NRXN3: variants seen among roughly 807,000 people sequenced by gnomAD.
NRXN3 encodes neurexin III.
Under a neutral mutation model 137.6 loss-of-function variants are expected in NRXN3, and 32 were observed. That is an observed-to-expected ratio of 0.23 (90% CI 0.18 to 0.31). The LOEUF (loss-of-function observed/expected upper bound fraction) is 0.31. NRXN3 is among the 10% of genes least tolerant of loss of function. NRXN3 has a pLI of 1.00. For missense variants in NRXN3, 1,574 were observed against 2,062.5 expected (o/e 0.76, Z 4.59); for synonymous variants, 798 against 784.5 (o/e 1.02, Z -0.29).
At chr14:78,355,349 A>C (rs2084129705) in intron 4 of NRXN3, among the ~76,000 whole-genome samples, 1 of 22,806 alleles carries the variant, frequency 4.4e-5, no homozygotes, top group African/African-American at 1.0e-4. Flanking sequence ...AACCATATTG[A>C]CTTTTTTTTT....
At position 79,437,372 on chromosome 14, in the gene NRXN3, G is replaced by A. The variant is rs368599729; in HGVS notation, c.3263-29849G>A. Reference sequence around the variant, plus strand: ...CACAGTTTTTTCCCCGGGCTATTTTGCAAGTATTGAGGATTCACATGTTAA... The same window carrying A: ...CACAGTTTTTTCCCCGGGCTATTTTACAAGTATTGAGGATTCACATGTTAA... On this transcript the variant is annotated intron_variant, in intron 15 of 20. Coordinates refer to ENST00000335750, the MANE Select transcript of NRXN3 (RefSeq NM_001330195.2). 3.0e-4 allele frequency among the ~76,000 whole-genome samples: 45 copies of A among 151,140 alleles called. 1 individual carries two copies. The highest frequency in any genetic ancestry group is 1.0e-3 in the African/African-American group (41 of 41,118).
chr14:78,566,568 G>T (rs917711115), intron 4 of NRXN3, among the ~76,000 whole-genome samples: 1 of 152,174 alleles, frequency 6.6e-6, no homozygotes, highest in Non-Finnish European at 1.5e-5. Context: ...GTTATGGGGA[G>T]CCCTGGCCAC....
chr14:79,025,607 C>T (rs1252984316), intron 15 of NRXN3, among the ~76,000 whole-genome samples: 4 of 152,102 alleles, frequency 2.6e-5, no homozygotes, highest in African/African-American at 4.8e-5. Flanking sequence ...TTGATCTTTC[C>T]CTGTGAACAC....
intron 4 of NRXN3, among the ~76,000 whole-genome samples, chr14:78,317,306 C>T (rs367583722): frequency 6.6e-5 from 10 of 152,252 alleles, no homozygotes; most frequent in African/African-American, 1.4e-4. Flanking sequence ...GGAACCAGGC[C>T]GCACAGCAAG....
intron 16 of NRXN3, among the ~76,000 whole-genome samples, chr14:79,538,228 C>G (rs2097233479): frequency 1.3e-5 from 2 of 151,974 alleles, no homozygotes; most frequent in Non-Finnish European, 2.9e-5. Flanking sequence ...GAAATTTTCT[C>G]CCATTTTGTA....
intron 19 of NRXN3, among the ~76,000 whole-genome samples, chr14:79,753,048 A>T (rs1410385333): frequency 6.6e-6 from 1 of 150,956 alleles, no homozygotes; most frequent in Admixed American, 6.6e-5. Flanking sequence ...TAGAATGGCA[A>T]TCATTAAAAA....
chr14:78,858,202 G>C (rs1000488983), intron 10 of NRXN3, among the ~76,000 whole-genome samples: 15 of 152,096 alleles, frequency 9.9e-5, no homozygotes, highest in Admixed American at 9.8e-4. Context: ...AGTCTGTGCT[G>C]AGGCAGTAGG....
At chr14:79,557,910 C>G (rs758331190) in intron 16 of NRXN3, among the ~76,000 whole-genome samples, 12 of 152,158 alleles carry the variant, frequency 7.9e-5, no homozygotes, top group Non-Finnish European at 1.3e-4. Context: ...AGTCCATCCT[C>G]TCAAACCCAG....
intron 2 of NRXN3, among the ~76,000 whole-genome samples, chr14:78,263,967 A>T (rs1228926614): frequency 5.4e-5 from 8 of 148,760 alleles, no homozygotes; most frequent in Non-Finnish European, 1.2e-4. Context: ...CAGTTTTTGC[A>T]GTTTGAAAAA....
At chr14:79,642,966 T>C (rs200462182) in intron 16 of NRXN3, among the ~76,000 whole-genome samples, 1 of 135,952 alleles carries the variant, frequency 7.4e-6, no homozygotes. Context: ...AACAGAAATA[T>C]ATATCCTCTG....
At chr14:78,900,604 A>G (rs1225753150) in intron 10 of NRXN3, among the ~76,000 whole-genome samples, 3 of 151,908 alleles carry the variant, frequency 2.0e-5, no homozygotes, top group South Asian at 2.1e-4. Flanking sequence ...AATGTCATTA[A>G]AATTTTTACA....
intron 4 of NRXN3, among the ~76,000 whole-genome samples, chr14:78,487,173 T>C (rs1324861764): frequency 1.3e-5 from 2 of 152,204 alleles, no homozygotes; most frequent in Non-Finnish European, 2.9e-5. Flanking sequence ...ATTTCTGTGC[T>C]TAGTTTCTCA....
At chr14:79,398,707 T>C (rs1035313248) in intron 15 of NRXN3, among the ~76,000 whole-genome samples, 1 of 152,016 alleles carries the variant, frequency 6.6e-6, no homozygotes, top group Non-Finnish European at 1.5e-5. Flanking sequence ...GTTGAGTCTT[T>C]AGGCATCAAA....
In NRXN3 at chr14:78,233,660, G is replaced by C. The variant is rs182548334; in HGVS notation, c.-703-8731G>C. Reference sequence around the variant, plus strand: ...CCTGGAGGGCAATAGAGAAACCGTGGGATCTTTTTTCCAATTTAAGTATGC... The same window carrying C: ...CCTGGAGGGCAATAGAGAAACCGTGCGATCTTTTTTCCAATTTAAGTATGC... On this transcript the variant is annotated intron_variant, in intron 1 of 20. Transcript: ENST00000335750. 1.3e-3 allele frequency among the ~76,000 whole-genome samples: 180 copies of C among 141,104 alleles called. 1 individual carries two copies. The highest frequency in any genetic ancestry group is 4.6e-3 in the African/African-American group (171 of 37,178). 92.6% of individuals were successfully genotyped at this position (141,104 alleles called of 152,430 possible).
chr14:78,751,362 G>A (rs1399610442), intron 8 of NRXN3, among the ~76,000 whole-genome samples: 2 of 152,120 alleles, frequency 1.3e-5, no homozygotes, highest in Admixed American at 6.5e-5. Context: ...ATTACAAATT[G>A]CCCCCCAGTG....
intron 16 of NRXN3, among the ~76,000 whole-genome samples, chr14:79,486,184 A>G (rs2153647458): frequency 6.6e-6 from 1 of 152,302 alleles, no homozygotes; most frequent in South Asian, 2.1e-4. Context: ...TTGTCAATAT[A>G]GTAAATTGAG....
intron 10 of NRXN3, among the ~76,000 whole-genome samples, chr14:78,892,774 CTGTGTGTG>C (rs58718552): frequency 4.0e-4 from 56 of 140,140 alleles, no homozygotes; most frequent in African/African-American, 1.4e-3. Flanking sequence ...CCCCCATCTT[CTGTGTGTG>C]TGTGTGTGTG....
intron 19 of NRXN3, among the ~76,000 whole-genome samples, chr14:79,762,735 G>GA (rs1466767877): frequency 2.0e-5 from 3 of 151,480 alleles, no homozygotes; most frequent in Non-Finnish European, 4.4e-5. Context: ...CTGTCACAAA[G>GA]AAAAAACCCA....
intron 15 of NRXN3, among the ~76,000 whole-genome samples, chr14:79,412,177 C>A (rs978162738): frequency 6.6e-6 from 1 of 152,116 alleles, no homozygotes; most frequent in Non-Finnish European, 1.5e-5. Context: ...CTGGCTCTGA[C>A]ATTTGCTTGC....
Sources: allele counts gnomAD v4.1 joint callset (sites outside exome capture counted in the v4.1 genomes callset), GRCh38; gene constraint gnomAD v4.1.1; transcripts MANE v1.5; gene names NCBI Gene and HGNC (gene_info 2026-07-23, HGNC 2026-07-21).